Variants in EPHA6 observed in about 807,000 individuals in gnomAD.
EPHA6 encodes EPH receptor A6, also known as ephrin type-A receptor 6.
In EPHA6, 50 loss-of-function variants were observed where a neutral mutation model predicts 112.0. That is an observed-to-expected ratio of 0.45 (90% CI 0.36 to 0.56). EPHA6 has a LOEUF of 0.56. Among genes scored for constraint, EPHA6 ranks in the 20% least tolerant of loss-of-function variants. The pLI, the probability that EPHA6 is intolerant of heterozygous loss-of-function variation, is 0.00. For missense variants in EPHA6, 1,280 were observed against 1,417.4 expected (o/e 0.90, Z 1.56); for synonymous variants, 529 against 490.7 (o/e 1.08, Z -1.03).
intron 6 of EPHA6, among the ~76,000 whole-genome samples, chr3:97,418,671 A>G (rs2107172434): frequency 6.6e-6 from 1 of 152,326 alleles, no homozygotes; most frequent in African/African-American, 2.4e-5. Flanking sequence ...GACCTACCAT[A>G]AAGAAATGGG....
intron 15 of EPHA6, among the ~76,000 whole-genome samples, chr3:97,720,925 T>A (rs543958642): frequency 1.3e-5 from 2 of 152,342 alleles, no homozygotes; most frequent in East Asian, 3.9e-4. Context: ...TCTATAAAAC[T>A]ACCTTGGTGG....
chr3:97,039,415 G>A (rs1369297638), intron 3 of EPHA6, among the ~76,000 whole-genome samples: 1 of 152,008 alleles, frequency 6.6e-6, no homozygotes, highest in Non-Finnish European at 1.5e-5. Context: ...AATATAATTT[G>A]GAGAGTGGTA....
At chr3:96,952,807 TA>T (rs1046192412) in intron 2 of EPHA6, among the ~76,000 whole-genome samples, 1 of 152,098 alleles carries the variant, frequency 6.6e-6, no homozygotes, top group African/African-American at 2.4e-5. Context: ...AGCAAAATGA[TA>T]AGAACACATG....
At chr3:96,962,097 C>T (rs62263705) in intron 2 of EPHA6, among the ~76,000 whole-genome samples, 8,323 of 152,168 alleles carry the variant, frequency 0.055, 287 homozygotes, top group Middle Eastern at 0.12. Flanking sequence ...GATTCCTCAG[C>T]ACTTTCTGAC....
In EPHA6 at chr3:97,082,038, T is replaced by G. The variant is rs145870737; in HGVS notation, c.1114+94045T>G. Among the ~76,000 whole-genome samples, 864 of 151,862 alleles carry G rather than the reference T, an allele frequency of 5.7e-3. 11 individuals are homozygous for G. The highest frequency in any genetic ancestry group is 0.019 in the African/African-American group (799 of 41,550). The stretch of plus-strand genomic sequence containing the variant: ...TTTAAAAATTGTCTTTGTTTTTTAA[T>G]TAATTTTTGATTGAAAAGTAAAAAT... On this transcript the variant is annotated intron_variant, in intron 3 of 17. Coordinates refer to ENST00000389672, the MANE Select transcript of EPHA6 (RefSeq NM_001080448.3).
At chr3:97,172,384 C>T (rs2076726933) in intron 3 of EPHA6, among the ~76,000 whole-genome samples, 1 of 151,926 alleles carries the variant, frequency 6.6e-6, no homozygotes, top group Admixed American at 6.6e-5. Flanking sequence ...AGCTGGGAAG[C>T]TATTTACTTT....
chr3:97,482,550 G>A (rs370152335), intron 9 of EPHA6, among the ~76,000 whole-genome samples: 12 of 152,202 alleles, frequency 7.9e-5, no homozygotes, highest in South Asian at 2.1e-4. Flanking sequence ...ATTTTCTCAC[G>A]GTCCATATGC....
At chr3:97,230,940 T>TA (rs1240289493) in intron 4 of EPHA6, among the ~76,000 whole-genome samples, 6 of 152,166 alleles carry the variant, frequency 3.9e-5, no homozygotes, top group African/African-American at 1.4e-4. Flanking sequence ...GAGATACACT[T>TA]ACAAATGGAG....
intron 1 of EPHA6, among the ~76,000 whole-genome samples, chr3:96,860,892 A>G (rs180846434): frequency 6.6e-6 from 1 of 152,252 alleles, no homozygotes; most frequent in Non-Finnish European, 1.5e-5. Flanking sequence ...AATTAGGGAC[A>G]TGCCAAATTT....
chr3:97,224,719 A>T (rs2078303017), intron 3 of EPHA6, among the ~76,000 whole-genome samples: 1 of 151,960 alleles, frequency 6.6e-6, no homozygotes, highest in Non-Finnish European at 1.5e-5. Flanking sequence ...AACATAAAAA[A>T]CCTTTTAAAT....
chr3:97,288,557 A>G (rs1398080662), intron 5 of EPHA6, among the ~76,000 whole-genome samples: 2 of 152,154 alleles, frequency 1.3e-5, no homozygotes, highest in Non-Finnish European at 2.9e-5. Flanking sequence ...GAGTGCATGT[A>G]TCTTTTTAGT....
rs865808468 is a variant in EPHA6 at position 96,815,053 on chromosome 3, G to C, written c.385+45G>C. On this transcript the variant is annotated intron_variant, in intron 1 of 17. Coordinates refer to ENST00000389672, the MANE Select transcript of EPHA6 (RefSeq NM_001080448.3). Reference sequence around the variant, plus strand: ...AGCGGGAGTGGGTGGGAGGAGGAGGGTGCTTGGAGAACCAGGGTACTGGTT... The same window carrying C: ...AGCGGGAGTGGGTGGGAGGAGGAGGCTGCTTGGAGAACCAGGGTACTGGTT... 4 of 1,460,672 alleles carry C rather than the reference G, an allele frequency of 2.7e-6. No homozygotes were observed. In the Middle Eastern group the frequency reaches 8.1e-4, roughly 294 times the overall value. 90.5% of individuals were successfully genotyped at this position (1,460,672 alleles called of 1,614,324 possible).
At chr3:96,918,940 T>G (rs925117404) in intron 2 of EPHA6, among the ~76,000 whole-genome samples, 14 of 151,994 alleles carry the variant, frequency 9.2e-5, no homozygotes, top group African/African-American at 3.4e-4. Flanking sequence ...CTGTAATATT[T>G]TATACAGTCG....
intron 7 of EPHA6, among the ~76,000 whole-genome samples, chr3:97,468,343 A>G (rs1329927087): frequency 6.6e-6 from 1 of 151,664 alleles, no homozygotes; most frequent in Non-Finnish European, 1.5e-5. Flanking sequence ...TGAATGTAAA[A>G]GAAAAATATC....
chr3:97,404,755 G>T (rs2087224218), intron 5 of EPHA6, among the ~76,000 whole-genome samples: 1 of 152,062 alleles, frequency 6.6e-6, no homozygotes, highest in African/African-American at 2.4e-5. Flanking sequence ...GCCTATAAAT[G>T]ATCTTGTAAT....
chr3:97,139,929 T>C (rs2075857239), intron 3 of EPHA6, among the ~76,000 whole-genome samples: 3 of 151,872 alleles, frequency 2.0e-5, no homozygotes, highest in South Asian at 4.2e-4. Flanking sequence ...AAGAAAAATT[T>C]CCACAAATGT....
At chr3:96,956,630 G>A (rs992283076) in intron 2 of EPHA6, among the ~76,000 whole-genome samples, 14 of 152,138 alleles carry the variant, frequency 9.2e-5, no homozygotes, top group African/African-American at 2.4e-4. Context: ...ATCAGGAAGC[G>A]TTTATTTGGC....
At chr3:97,542,001 T>A (rs549455516) in intron 11 of EPHA6, among the ~76,000 whole-genome samples, 1 of 151,720 alleles carries the variant, frequency 6.6e-6, no homozygotes, top group Non-Finnish European at 1.5e-5. Context: ...ACTGAAGAAC[T>A]TGGAGTCCGA....
intron 6 of EPHA6, among the ~76,000 whole-genome samples, chr3:97,421,214 A>G (rs990429027): frequency 6.6e-6 from 1 of 152,084 alleles, no homozygotes; most frequent in African/African-American, 2.4e-5. Flanking sequence ...ATAAAATAAA[A>G]GCATATATGT....
Sources: allele counts gnomAD v4.1 joint callset (sites outside exome capture counted in the v4.1 genomes callset), GRCh38; gene constraint gnomAD v4.1.1; transcripts MANE v1.5; gene names NCBI Gene and HGNC (gene_info 2026-07-23, HGNC 2026-07-21).